Variants in CYTH3 observed in about 807,000 individuals in gnomAD.
CYTH3 encodes cytohesin-3.
In CYTH3, 23 loss-of-function variants were observed where a neutral mutation model predicts 55.1. That is an observed-to-expected ratio of 0.42 (90% CI 0.30 to 0.59). CYTH3 has a LOEUF of 0.59. Ranked by LOEUF, CYTH3 falls within the 20% of genes least tolerant of loss-of-function variation. The pLI, the probability that CYTH3 is intolerant of heterozygous loss-of-function variation, is 0.20. For missense variants in CYTH3, 413 were observed against 524.8 expected, an observed-to-expected ratio of 0.79 and a Z score of 2.08; for synonymous variants, 249 against 194.9, an observed-to-expected ratio of 1.28 and a Z score of -2.31.
intron 1 of CYTH3, among the ~76,000 whole-genome samples, chr7:6,192,866 G>A (rs535202323): frequency 6.6e-6 from 1 of 151,858 alleles, no homozygotes; most frequent in African/African-American, 2.4e-5. Context: ...TAACAACTCC[G>A]TGCTTAGAAA....
intron 1 of CYTH3, among the ~76,000 whole-genome samples, chr7:6,226,880 A>ATT (rs1779268554): frequency 6.6e-6 from 1 of 152,266 alleles, no homozygotes; most frequent in Non-Finnish European, 1.5e-5. Flanking sequence ...GGAGATCGAG[A>ATT]CCATCCTGGC....
intron 1 of CYTH3, among the ~76,000 whole-genome samples, chr7:6,196,516 A>G (rs1783936653): frequency 1.4e-5 from 2 of 141,314 alleles, no homozygotes; most frequent in African/African-American, 2.7e-5. Context: ...CTGGAGTGCA[A>G]TGGCACAATC....
At chr7:6,243,045 G>T (rs999223050) in intron 1 of CYTH3, among the ~76,000 whole-genome samples, 1 of 152,192 alleles carries the variant, frequency 6.6e-6, no homozygotes, top group African/African-American at 2.4e-5. Context: ...CTCCCAAGGT[G>T]ACTGTGGTCA....
chr7:6,217,715 C>T (rs1021978846), intron 1 of CYTH3, among the ~76,000 whole-genome samples: 1 of 152,114 alleles, frequency 6.6e-6, no homozygotes, highest in African/African-American at 2.4e-5. Flanking sequence ...GATTATAGAA[C>T]ACTCCCACCA....
intron 1 of CYTH3, among the ~76,000 whole-genome samples, chr7:6,265,591 C>A (rs886336054): frequency 2.0e-5 from 3 of 149,568 alleles, no homozygotes; most frequent in South Asian, 4.2e-4. Context: ...TGCACTCCAG[C>A]CCAGGTGACA....
intron 1 of CYTH3, among the ~76,000 whole-genome samples, chr7:6,201,623 T>A (rs1784060343): frequency 6.6e-6 from 1 of 152,064 alleles, no homozygotes; most frequent in Non-Finnish European, 1.5e-5. Flanking sequence ...TTTCCATAAG[T>A]AAATCTTAAA....
intron 1 of CYTH3, among the ~76,000 whole-genome samples, chr7:6,221,647 T>C (rs1007913240): frequency 1.3e-5 from 2 of 152,178 alleles, no homozygotes; most frequent in African/African-American, 4.8e-5. Context: ...GTGGAACCTT[T>C]ATGTACTGTT....
At chr7:6,225,125 C>G (rs1481624515) in intron 1 of CYTH3, among the ~76,000 whole-genome samples, 1 of 152,032 alleles carries the variant, frequency 6.6e-6, no homozygotes, top group Non-Finnish European at 1.5e-5. Flanking sequence ...GGCTGTAATT[C>G]CAAAACAAAT....
At chr7:6,178,279 T>C (rs1307586661) in intron 4 of CYTH3, among the ~76,000 whole-genome samples, 1 of 152,270 alleles carries the variant, frequency 6.6e-6, no homozygotes, top group East Asian at 1.9e-4. Context: ...TTATTCTGTG[T>C]CTGCGAGGAA....
chr7:6,185,467 T>C (rs1025948782), intron 4 of CYTH3, among the ~76,000 whole-genome samples: 63 of 151,710 alleles, frequency 4.2e-4, no homozygotes, highest in African/African-American at 1.4e-3. Flanking sequence ...GAGGCCAAGG[T>C]GGGCAGATCA....
chr7:6,178,737 C>T (rs1783407517), intron 4 of CYTH3, among the ~76,000 whole-genome samples: 2 of 152,200 alleles, frequency 1.3e-5, no homozygotes, highest in Non-Finnish European at 2.9e-5. Flanking sequence ...AACATACTGA[C>T]ATGCTGTGCC....
chr7:6,175,055 C>G (rs562880913), intron 5 of CYTH3, among the ~76,000 whole-genome samples: 4 of 152,298 alleles, frequency 2.6e-5, no homozygotes, highest in Admixed American at 1.3e-4. Context: ...AGTATGATAA[C>G]TGGTCCTTAT....
chr7:6,272,423 CGG>C (rs1562425230), intron 1 of CYTH3, 49 bp downstream of exon 1: 8 of 1,189,412 alleles, frequency 6.7e-6, no homozygotes, highest in Admixed American at 6.2e-5. Context: ...CCCCAGCCCC[CGG>C]CCCCCGACCC....
At chr7:6,257,925 G>A (rs1780172393) in intron 1 of CYTH3, among the ~76,000 whole-genome samples, 1 of 152,104 alleles carries the variant, frequency 6.6e-6, no homozygotes, top group South Asian at 2.1e-4. Context: ...CTCAGGGTGT[G>A]GGCTTGGAAA....
chr7:6,218,954 G>A (rs529572522), intron 1 of CYTH3, among the ~76,000 whole-genome samples: 12 of 137,634 alleles, frequency 8.7e-5, no homozygotes, highest in Admixed American at 1.6e-4. Flanking sequence ...GCAGTGAGCC[G>A]ACACTGTGCC....
At chr7:6,166,317 C>CCT (rs1167251805) in intron 9 of CYTH3, among the ~76,000 whole-genome samples, 3 of 152,368 alleles carry the variant, frequency 2.0e-5, no homozygotes, top group South Asian at 2.1e-4. Context: ...TACCTGCCCT[C>CCT]CTCTCCCTAA....
At chr7:6,242,135 G>A (rs542281291) in intron 1 of CYTH3, among the ~76,000 whole-genome samples, 39 of 152,166 alleles carry the variant, frequency 2.6e-4, no homozygotes, top group African/African-American at 8.7e-4. Flanking sequence ...GGAGTGCAGT[G>A]GTACAATCTC....
At chr7:6,193,091 G>C (rs56069997) in intron 1 of CYTH3, among the ~76,000 whole-genome samples, 1,904 of 152,184 alleles carry the variant, frequency 0.013, 37 homozygotes, top group African/African-American at 0.043. Context: ...AGAATCGCTT[G>C]AAACAGGAAA....
At chr7:6,262,679 T>A (rs1780381329) in intron 1 of CYTH3, among the ~76,000 whole-genome samples, 1 of 152,136 alleles carries the variant, frequency 6.6e-6, no homozygotes, top group African/African-American at 2.4e-5. Flanking sequence ...TAGTGAGACC[T>A]CCCATCTTTA....
Sources: gnomAD v4.1 joint callset for allele counts (sites outside exome capture counted in the v4.1 genomes callset) on GRCh38, gnomAD v4.1.1 for gene constraint, MANE v1.5 for transcripts, NCBI Gene and HGNC (gene_info 2026-07-23, HGNC 2026-07-21) for gene names.